Variants in FOXP2 observed in about 807,000 individuals in gnomAD.
FOXP2 encodes forkhead box P2, also known as forkhead box protein P2.
In FOXP2, 12 loss-of-function variants were observed where a neutral mutation model predicts 115.8. The ratio of observed to expected loss-of-function variants is 0.10; its 90% CI spans 0.07 to 0.17. FOXP2 has a LOEUF of 0.17. FOXP2 is among the 10% of genes least tolerant of loss of function. The pLI is 1.00. For missense variants in FOXP2, 629 were observed against 843.5 expected (o/e 0.75, Z 3.15); for synonymous variants, 328 against 297.7 (o/e 1.10, Z -1.05).
intron 3 of FOXP2, among the ~76,000 whole-genome samples, chr7:114,595,581 A>T (rs1221201656): frequency 1.3e-5 from 2 of 152,086 alleles, no homozygotes; most frequent in South Asian, 2.1e-4. Flanking sequence ...TAATTTTGGT[A>T]TATAATAGAG....
At chr7:114,372,424 A>T (rs1344982176) in intron 2 of FOXP2, among the ~76,000 whole-genome samples, 2 of 152,224 alleles carry the variant, frequency 1.3e-5, no homozygotes, top group Non-Finnish European at 2.9e-5. Flanking sequence ...CTAGGACAAC[A>T]TGAGTAAACA....
At chr7:114,494,443 C>T (rs984266886) in intron 2 of FOXP2, among the ~76,000 whole-genome samples, 1 of 152,056 alleles carries the variant, frequency 6.6e-6, no homozygotes, top group African/African-American at 2.4e-5. Flanking sequence ...CTTCAGCTTC[C>T]CAAGTAGCTG....
intron 1 of FOXP2, among the ~76,000 whole-genome samples, chr7:114,238,402 G>A (rs1396196813): frequency 6.6e-6 from 1 of 152,082 alleles, no homozygotes; most frequent in Non-Finnish European, 1.5e-5. Flanking sequence ...ATACAGCTTG[G>A]TTGTATTAGA....
chr7:114,111,855 G>A (rs1271219854), intron 1 of FOXP2, among the ~76,000 whole-genome samples: 1 of 151,862 alleles, frequency 6.6e-6, no homozygotes, highest in Non-Finnish European at 1.5e-5. Context: ...GATCTCATGG[G>A]AGCAACTCAC....
chr7:114,274,996 A>G (rs1236963436), intron 1 of FOXP2, among the ~76,000 whole-genome samples: 2 of 151,942 alleles, frequency 1.3e-5, no homozygotes, highest in Non-Finnish European at 2.9e-5. Flanking sequence ...CCTTGCTTGC[A>G]TGGCTTATGA....
intron 1 of FOXP2, among the ~76,000 whole-genome samples, chr7:114,164,398 A>G (rs1380131274): frequency 6.7e-6 from 1 of 150,252 alleles, no homozygotes; most frequent in East Asian, 2.0e-4. Context: ...AGGCTGGAGT[A>G]CAGTGGTGCG....
chr7:114,392,310 G>A lies in FOXP2; in HGVS notation c.-10-34192G>A, dbSNP rs370606845. Among the ~76,000 whole-genome samples the A allele has an allele frequency of 2.2e-4, 34 of 152,294 alleles. 1 individual carries two copies. In the East Asian group the frequency reaches 5.4e-3, roughly 24 times the overall value. ...AGGTGCTAGAAGCCACAATTGACTT[G>A]GGGGACCAGAAACCTAGGAACTAGG... On this transcript the variant is annotated intron_variant, in intron 2 of 17. Transcript: ENST00000634411.
chr7:114,268,776 A>C (rs1795966214), intron 1 of FOXP2, among the ~76,000 whole-genome samples: 1 of 152,014 alleles, frequency 6.6e-6, no homozygotes, highest in African/African-American at 2.4e-5. Flanking sequence ...CCTCTGCCAT[A>C]GATTAGTAAC....
chr7:114,517,621 A>C (rs1798410608), intron 2 of FOXP2, among the ~76,000 whole-genome samples: 1 of 152,172 alleles, frequency 6.6e-6, no homozygotes, highest in Admixed American at 6.6e-5. Flanking sequence ...CTTTGTAGGA[A>C]GTCAACTGAC....
chr7:114,109,344 A>G (rs886649888), intron 1 of FOXP2, among the ~76,000 whole-genome samples: 9 of 152,036 alleles, frequency 5.9e-5, no homozygotes, highest in Non-Finnish European at 1.3e-4. Context: ...TTCATCTTTA[A>G]TGTCATGCAT....
intron 2 of FOXP2, among the ~76,000 whole-genome samples, chr7:114,527,987 G>T (rs1385105838): frequency 1.3e-5 from 2 of 151,900 alleles, no homozygotes; most frequent in African/African-American, 4.8e-5. Flanking sequence ...TTTACAACAT[G>T]ACTTCAGTAT....
rs531978445 is a variant in FOXP2 at position 114,119,691 on chromosome 7, A to G, written c.-247+31853A>G. Among the ~76,000 whole-genome samples the G allele has an allele frequency of 2.2e-4, 34 of 152,310 alleles. No individual in the cohort carries two copies. The East Asian group carries it at 6.6e-3, about 29-fold the overall frequency. On this transcript the variant is annotated intron_variant, in intron 1 of 19. Transcript: ENST00000635638. ...GCACCACTGCACTTTGGCCTGGACC[A>G]CACAGCAAGACCTTGTCTCAAAACA...
At chr7:114,549,483 C>T (rs1203132495) in intron 3 of FOXP2, among the ~76,000 whole-genome samples, 1 of 152,146 alleles carries the variant, frequency 6.6e-6, no homozygotes, top group Admixed American at 6.5e-5. Context: ...AAGGCTGCCC[C>T]ATTCTGGAGG....
At chr7:114,568,220 G>T (rs2129294593) in intron 3 of FOXP2, among the ~76,000 whole-genome samples, 1 of 152,032 alleles carries the variant, frequency 6.6e-6, no homozygotes, top group Admixed American at 6.6e-5. Context: ...ATAGATTAAT[G>T]ACAGTATCAT....
chr7:114,256,099 A>G (rs888867377), intron 1 of FOXP2, among the ~76,000 whole-genome samples: 5 of 151,880 alleles, frequency 3.3e-5, no homozygotes, highest in East Asian at 1.9e-4. Context: ...TTGGCATGAG[A>G]TAGTGTCTTT....
intron 2 of FOXP2, among the ~76,000 whole-genome samples, chr7:114,534,097 G>C (rs1404264838): frequency 2.0e-5 from 3 of 151,832 alleles, no homozygotes; most frequent in Admixed American, 1.3e-4. Context: ...TGTCAAAGGA[G>C]AGGTTTCCCC....
intron 1 of FOXP2, among the ~76,000 whole-genome samples, chr7:114,263,693 C>T (rs151272695): frequency 3.0e-4 from 46 of 151,522 alleles, no homozygotes; most frequent in African/African-American, 8.2e-4. Context: ...TGCATTGTCT[C>T]CTGATTCTTT....
At chr7:114,460,764 C>T (rs1209880360) in intron 2 of FOXP2, among the ~76,000 whole-genome samples, 1 of 152,096 alleles carries the variant, frequency 6.6e-6, no homozygotes, top group Non-Finnish European at 1.5e-5. Flanking sequence ...ATGATTTGTA[C>T]ACATGAAATA....
chr7:114,460,373 C>T (rs1488829780), intron 2 of FOXP2, among the ~76,000 whole-genome samples: 1 of 152,134 alleles, frequency 6.6e-6, no homozygotes, highest in Admixed American at 6.6e-5. Flanking sequence ...TATTAATCAC[C>T]CAGTAGTGAG....
Sources: gnomAD v4.1 joint callset for allele counts (sites outside exome capture counted in the v4.1 genomes callset) on GRCh38, gnomAD v4.1.1 for gene constraint, MANE v1.5 for transcripts, NCBI Gene and HGNC (gene_info 2026-07-23, HGNC 2026-07-21) for gene names.